RASGRP3: variants seen among roughly 807,000 people sequenced by gnomAD.
The protein encoded by RASGRP3 is RAS guanyl releasing protein 3.
Under a neutral mutation model 82.7 loss-of-function variants are expected in RASGRP3, and 54 were observed. That is an observed-to-expected ratio of 0.65 (90% confidence interval 0.52 to 0.82). The LOEUF is 0.82. RASGRP3 is among the 40% of genes least tolerant of loss of function. The pLI, the probability that RASGRP3 is intolerant of heterozygous loss-of-function variation, is 0.00. For missense variants in RASGRP3, 861 were observed against 828.9 expected (o/e 1.04, Z -0.48); for synonymous variants, 309 against 300.5 (o/e 1.03, Z -0.29).
chr2:33,492,366 C>T (rs1338950826), intron 1 of RASGRP3, among the ~76,000 whole-genome samples: 1 of 152,002 alleles, frequency 6.6e-6, no homozygotes, highest in Non-Finnish European at 1.5e-5. Flanking sequence ...AGAAAGAAGC[C>T]CATGGACACA....
rs747929948 is a variant in RASGRP3 at position 33,558,178 on chromosome 2, C to G, written c.1580-33C>G. 5.6e-6 allele frequency: 9 copies of G among 1,600,584 alleles called. No individual in the cohort carries two copies. In the South Asian group the frequency reaches 1.0e-4, roughly 18 times the overall value. On this transcript the variant is annotated intron_variant, in intron 15 of 17. Coordinates refer to ENST00000403687, the MANE Select transcript of RASGRP3 (RefSeq NM_001139488.2). ...GGAAACTGAATCAACATCAGACACA[C>G]TAATCATCTGCGACACCCTTGGAAT...
intron 17 of RASGRP3, among the ~76,000 whole-genome samples, chr2:33,560,236 A>C (rs1435880303): frequency 6.6e-6 from 1 of 151,856 alleles, no homozygotes; most frequent in African/African-American, 2.4e-5. Flanking sequence ...TTCTCCCCCA[A>C]CTCACCCCAG....
chr2:33,448,017 CAT>C (rs1030347016), intron 2 of RASGRP3: 8 of 152,150 alleles, frequency 5.3e-5, no homozygotes, highest in African/African-American at 1.2e-4. Context: ...AATCTGATCA[CAT>C]GTTTTCAACC....
At position 33,563,059 on chromosome 2, in the gene RASGRP3, A is replaced by G. The variant is rs1261550348; in HGVS notation, c.*322A>G. On this transcript the variant is annotated 3_prime_UTR_variant, in exon 18 of 18. Transcript: ENST00000403687. ...GTGAAATGAAAGCTTTTTTGCATGT[A>G]CTTGATACTCAGTCTGTAAACTCAG... The G allele has an allele frequency of 3.0e-6, 1 of 336,734 alleles. No individual in the cohort carries two copies. The highest frequency in any genetic ancestry group is 2.1e-5 in the African/African-American group (1 of 46,844). The allele number at this position is 336,734 out of a possible 1,614,324, so 20.9% of individuals were successfully genotyped here. A position where few individuals can be genotyped will look rare whatever the true frequency, so the allele number is the denominator to read the frequency against.
At chr2:33,441,331 C>T (rs748445881) in intron 1 of RASGRP3, among the ~76,000 whole-genome samples, 7 of 151,984 alleles carry the variant, frequency 4.6e-5, no homozygotes, top group Non-Finnish European at 1.0e-4. Flanking sequence ...AAATATTCCA[C>T]ATATAAATTA....
intron 10 of RASGRP3, among the ~76,000 whole-genome samples, chr2:33,530,183 G>T (rs923890473): frequency 6.6e-6 from 1 of 152,182 alleles, no homozygotes; most frequent in African/African-American, 2.4e-5. Flanking sequence ...GCATTGGAAG[G>T]GGTGATTCAT....
At chr2:33,509,425 A>C (rs183019938) in intron 1 of RASGRP3, among the ~76,000 whole-genome samples, 123 of 152,166 alleles carry the variant, frequency 8.1e-4, no homozygotes, top group African/African-American at 2.7e-3. Flanking sequence ...AGATATGATC[A>C]TGCCATTCTC....
intron 1 of RASGRP3, among the ~76,000 whole-genome samples, chr2:33,477,252 C>A (rs1398356616): frequency 6.6e-6 from 1 of 152,052 alleles, no homozygotes; most frequent in Non-Finnish European, 1.5e-5. Context: ...AGAAGACTGA[C>A]AAAATAATAT....
At chr2:33,451,980 T>C (rs954261209) in intron 2 of RASGRP3, among the ~76,000 whole-genome samples, 1 of 152,134 alleles carries the variant, frequency 6.6e-6, no homozygotes, top group Non-Finnish European at 1.5e-5. Context: ...GCTCACTGAT[T>C]CTTTTTTCTG....
At chr2:33,519,876 T>C in intron 4 of RASGRP3, 76 bp from the exon 5 acceptor site, 1 of 989,296 alleles carries the variant, frequency 1.0e-6, no homozygotes, top group Middle Eastern at 2.1e-4. Context: ...TAGGAATTGG[T>C]ATACATTGAG....
intron 7 of RASGRP3, among the ~76,000 whole-genome samples, chr2:33,523,343 T>G (rs1180328180): frequency 6.6e-6 from 1 of 151,814 alleles, no homozygotes; most frequent in Non-Finnish European, 1.5e-5. Context: ...CTTGCACCTG[T>G]AGTCCCAGCT....
intron 1 of RASGRP3, among the ~76,000 whole-genome samples, chr2:33,496,907 A>G (rs1275509755): frequency 6.6e-6 from 1 of 152,206 alleles, no homozygotes; most frequent in Non-Finnish European, 1.5e-5. Context: ...TACTCCCATC[A>G]CATTGCTTTA....
At chr2:33,483,716 T>A (rs897972788) in intron 1 of RASGRP3, among the ~76,000 whole-genome samples, 1 of 152,140 alleles carries the variant, frequency 6.6e-6, no homozygotes, top group Non-Finnish European at 1.5e-5. Flanking sequence ...CTTGAATTCC[T>A]GACCTTAAGT....
At chr2:33,465,461 T>C (rs1666643291) in intron 2 of RASGRP3, among the ~76,000 whole-genome samples, 2 of 152,184 alleles carry the variant, frequency 1.3e-5, no homozygotes, top group Admixed American at 1.3e-4. Context: ...AGTTTGAGGC[T>C]ACAGTGAGCT....
At chr2:33,521,017 C>G (rs1426817996) in intron 6 of RASGRP3, among the ~76,000 whole-genome samples, 1 of 152,158 alleles carries the variant, frequency 6.6e-6, no homozygotes, top group Non-Finnish European at 1.5e-5. Flanking sequence ...TCTCTTACAC[C>G]TTCACTGATT....
chr2:33,496,032 C>T (rs1467285532), intron 1 of RASGRP3, among the ~76,000 whole-genome samples: 3 of 152,154 alleles, frequency 2.0e-5, no homozygotes, highest in Admixed American at 1.3e-4. Flanking sequence ...TACATTTGCA[C>T]AATTAATTCA....
intron 2 of RASGRP3, among the ~76,000 whole-genome samples, chr2:33,448,292 T>C (rs977760156): frequency 6.6e-6 from 1 of 152,172 alleles, no homozygotes; most frequent in South Asian, 2.1e-4. Context: ...ACAACCTAAT[T>C]ATAAATTCCT....
chr2:33,439,440 G>C (rs1238310822), intron 1 of RASGRP3, among the ~76,000 whole-genome samples: 1 of 152,124 alleles, frequency 6.6e-6, no homozygotes, highest in Non-Finnish European at 1.5e-5. Flanking sequence ...AGCAGAGACA[G>C]GAATGGCCTT....
At chr2:33,466,928 C>T (rs961945411) in intron 2 of RASGRP3, among the ~76,000 whole-genome samples, 1 of 152,138 alleles carries the variant, frequency 6.6e-6, no homozygotes, top group Non-Finnish European at 1.5e-5. Flanking sequence ...CTCTTTGCTG[C>T]TCACTCGTTG....
Sources: gnomAD v4.1 joint callset for allele counts (sites outside exome capture counted in the v4.1 genomes callset) on GRCh38, gnomAD v4.1.1 for gene constraint, MANE v1.5 for transcripts, NCBI Gene and HGNC (gene_info 2026-07-23, HGNC 2026-07-21) for gene names.